IGSF21: variants seen among roughly 807,000 people sequenced by gnomAD.
IGSF21 encodes immunoglobulin superfamily member 21.
Under a neutral mutation model 46.8 loss-of-function variants are expected in IGSF21, and 28 were observed. The ratio of observed to expected loss-of-function variants is 0.60; its 90% CI spans 0.44 to 0.82. IGSF21 has a LOEUF of 0.82. Ranked by LOEUF, IGSF21 falls within the 40% of genes least tolerant of loss-of-function variation. The pLI, the probability that IGSF21 is intolerant of heterozygous loss-of-function variation, is 0.00. For missense variants in IGSF21, 624 were observed against 665.5 expected, an observed-to-expected ratio of 0.94 and a Z score of 0.69; for synonymous variants, 284 against 273.6, an observed-to-expected ratio of 1.04 and a Z score of -0.38.
At chr1:18,253,433 A>G (rs778718574) in intron 2 of IGSF21, among the ~76,000 whole-genome samples, 1 of 152,224 alleles carries the variant, frequency 6.6e-6, no homozygotes, top group Non-Finnish European at 1.5e-5. Flanking sequence ...GCCACAGCCC[A>G]TCAGCCTTGC....
intron 1 of IGSF21, among the ~76,000 whole-genome samples, chr1:18,167,495 G>A (rs904591156): frequency 6.6e-6 from 1 of 152,128 alleles, no homozygotes; most frequent in Non-Finnish European, 1.5e-5. Flanking sequence ...GTTAGAAAAG[G>A]GTCTTGGGTG....
At chr1:18,201,601 G>T (rs1462600237) in intron 1 of IGSF21, among the ~76,000 whole-genome samples, 1 of 152,082 alleles carries the variant, frequency 6.6e-6, no homozygotes, top group Non-Finnish European at 1.5e-5. Context: ...GGGACACCAG[G>T]CATGGCCCCA....
Position 18,344,436 on chromosome 1 carries a change from C to T in IGSF21, c.424+9426C>T, listed in dbSNP as rs138044675. Among the ~76,000 whole-genome samples the T allele has an allele frequency of 2.6e-3, 401 of 152,250 alleles. 4 individuals are homozygous for T. Among genetic ancestry groups the T allele is most frequent in the Admixed American group, 4.3e-3 (65 of 15,290 alleles). ...AGAATACACTATACCTCCAAGTGAG[C>T]TAAGGAGATCTGAGGGCTGAGGGCA... On this transcript the variant is annotated intron_variant, in intron 4 of 9. Coordinates refer to ENST00000251296, the MANE Select transcript of IGSF21 (RefSeq NM_032880.5).
At chr1:18,301,579 G>T (rs917652094) in intron 3 of IGSF21, among the ~76,000 whole-genome samples, 2 of 152,170 alleles carry the variant, frequency 1.3e-5, no homozygotes, top group African/African-American at 4.8e-5. Flanking sequence ...GACCTCAAGT[G>T]ATGCACCCGC....
At chr1:18,130,798 C>G (rs1217244209) in intron 1 of IGSF21, among the ~76,000 whole-genome samples, 1 of 152,240 alleles carries the variant, frequency 6.6e-6, no homozygotes, top group African/African-American at 2.4e-5. Context: ...TTGTGGAGAG[C>G]AGCAGCCCTC....
intron 3 of IGSF21, among the ~76,000 whole-genome samples, chr1:18,325,357 C>G (rs2085647206): frequency 6.6e-6 from 1 of 152,066 alleles, no homozygotes; most frequent in Non-Finnish European, 1.5e-5. Context: ...AGGAGACCAC[C>G]CAGTGTGTCT....
intron 1 of IGSF21, among the ~76,000 whole-genome samples, chr1:18,182,827 C>T (rs1263724204): frequency 1.3e-5 from 2 of 152,206 alleles, no homozygotes; most frequent in Admixed American, 6.5e-5. Flanking sequence ...GAAGCCTCTC[C>T]ACCTGGTGAA....
At position 18,340,986 on chromosome 1, in the gene IGSF21, T is replaced by TCC. The variant is rs1239049042; in HGVS notation, c.424+5976_424+5977insCC. On this transcript the variant is annotated intron_variant, in intron 4 of 9. Transcript: ENST00000251296. ...CTCCTTCTTCTCCTTCTTCTTCTCCTTCTTCTTCTCCTCCTCCTCCTTCTT... is the reference window on the plus strand; with the variant it reads ...CTCCTTCTTCTCCTTCTTCTTCTCCTCCTCTTCTTCTCCTCCTCCTCCTTCTT... Among the ~76,000 whole-genome samples the TCC allele has an allele frequency of 3.3e-3, 464 of 141,422 alleles. 7 individuals carry two copies. Among genetic ancestry groups the TCC allele is most frequent in the African/African-American group, 0.011 (401 of 35,950 alleles). 92.8% of individuals were successfully genotyped at this position (141,422 alleles called of 152,430 possible).
At chr1:18,217,623 T>C (rs1457635599) in intron 1 of IGSF21, among the ~76,000 whole-genome samples, 1 of 152,236 alleles carries the variant, frequency 6.6e-6, no homozygotes, top group Non-Finnish European at 1.5e-5. Context: ...CCTGTGACTA[T>C]AGCAGGGTGC....
chr1:18,281,813 A>T (rs539231689), intron 2 of IGSF21, among the ~76,000 whole-genome samples: 2 of 152,214 alleles, frequency 1.3e-5, no homozygotes, highest in African/African-American at 4.8e-5. Context: ...GCTGGACATG[A>T]TCACCTGGTC....
intron 1 of IGSF21, among the ~76,000 whole-genome samples, chr1:18,199,622 C>T (rs1379844650): frequency 6.6e-6 from 1 of 152,110 alleles, no homozygotes; most frequent in Non-Finnish European, 1.5e-5. Flanking sequence ...GCCTGTGCCT[C>T]TCCTCGGTGG....
intron 1 of IGSF21, among the ~76,000 whole-genome samples, chr1:18,119,858 CT>C (rs113030905): frequency 5.3e-5 from 8 of 151,974 alleles, no homozygotes; most frequent in African/African-American, 1.7e-4. Context: ...AATTCTCCCT[CT>C]TTTAAAAAAA....
At chr1:18,234,873 A>G (rs2084659031) in intron 2 of IGSF21, among the ~76,000 whole-genome samples, 2 of 152,152 alleles carry the variant, frequency 1.3e-5, no homozygotes, top group African/African-American at 2.4e-5. Flanking sequence ...CCCTAACCAC[A>G]GCTGTTAAGT....
rs1012559144 is a variant in IGSF21 at position 18,337,320 on chromosome 1, C to G, written c.424+2310C>G. ...AAAACAGGGATAAGGATGCTTCCCT[C>G]CTAGGGTGGCTGTGAGGCTTAAAGT... is the stretch of plus-strand genomic sequence containing the variant. On this transcript the variant is annotated intron_variant, in intron 4 of 9. Coordinates refer to ENST00000251296, the MANE Select transcript of IGSF21 (RefSeq NM_032880.5). This position sits in a 1 kb window ranked among gnomAD's most constrained non-coding sequence, Gnocchi z 5.7. Among the ~76,000 whole-genome samples the G allele has an allele frequency of 6.6e-6, 1 of 152,120 alleles. No homozygotes were observed. Among genetic ancestry groups the G allele is most frequent in the East Asian group, 1.9e-4 (1 of 5,190 alleles).
At position 18,376,326 on chromosome 1, in the gene IGSF21, CA is replaced by C. The variant is rs1486145832; in HGVS notation, c.1036del (p.Ile346LeufsTer2). ...TCCCTACAGTTGCCCCCAAAGGACC[CA>C]AAATTGTGATGACGCCCAGCAGAGC... is the stretch of plus-strand genomic sequence containing the variant. The part of the protein sequence containing the change: ...EVTLVAPKGP[K>X]IVMTPSRARV... On this transcript the variant is annotated frameshift_variant, in exon 7 of 10. Transcript: ENST00000251296. LOFTEE classifies it high-confidence loss of function. 1 of 1,613,802 alleles carries C rather than the reference CA, an allele frequency of 6.2e-7. No individual in the cohort carries two copies. The highest frequency in any genetic ancestry group is 8.5e-7 in the Non-Finnish European group (1 of 1,179,772).
intron 4 of IGSF21, among the ~76,000 whole-genome samples, chr1:18,356,151 C>T (rs1489659696): frequency 6.6e-6 from 1 of 152,144 alleles, no homozygotes. Context: ...CTTACTATTA[C>T]TAATACAATT....
intron 1 of IGSF21, among the ~76,000 whole-genome samples, chr1:18,119,760 T>G: frequency 8.1e-5 from 1 of 12,316 alleles, no homozygotes; most frequent in South Asian, 0.025. Context: ...TTAATAACGG[T>G]GTTTTTTTTT....
intron 3 of IGSF21, among the ~76,000 whole-genome samples, chr1:18,326,542 C>T (rs1313344138): frequency 6.6e-6 from 1 of 152,190 alleles, no homozygotes; most frequent in African/African-American, 2.4e-5. Context: ...CCTCAAAGGA[C>T]CCATCACTAC....
At chr1:18,294,015 CCT>C (rs943759533) in intron 3 of IGSF21, among the ~76,000 whole-genome samples, 9 of 150,596 alleles carry the variant, frequency 6.0e-5, no homozygotes, top group Non-Finnish European at 7.4e-5. Flanking sequence ...AGAGCCTTAA[CCT>C]CTCTCTCTCT....
Sources: gnomAD v4.1 joint callset for allele counts (sites outside exome capture counted in the v4.1 genomes callset) on GRCh38, gnomAD v4.1.1 for gene constraint, Gnocchi (gnomAD v3.1) non-coding constraint, MANE v1.5 for transcripts, NCBI Gene and HGNC (gene_info 2026-07-23, HGNC 2026-07-21) for gene names.